Variants in SDCCAG8 observed in about 807,000 individuals in gnomAD.
SDCCAG8 encodes serologically defined colon cancer antigen 8.
SDCCAG8 carries 74 observed loss-of-function variants against 101.8 expected under a neutral mutation model. That is an observed-to-expected ratio of 0.73 (90% confidence interval 0.60 to 0.88). The LOEUF (loss-of-function observed/expected upper bound fraction) is 0.88. SDCCAG8 is among the 40% of genes least tolerant of loss of function. The pLI is 0.00. For synonymous variants in SDCCAG8, 281 were observed against 292.9 expected (o/e 0.96, Z 0.41); for missense variants, 787 against 822.6 (o/e 0.96, Z 0.53).
At chr1:243,374,553 C>G (rs968253693) in intron 12 of SDCCAG8, among the ~76,000 whole-genome samples, 3 of 152,026 alleles carry the variant, frequency 2.0e-5, no homozygotes, top group Non-Finnish European at 2.9e-5. Flanking sequence ...TCTTAAAAAT[C>G]CTGAATGAAA....
At chr1:243,279,392 C>A (rs2068838874) in intron 4 of SDCCAG8, among the ~76,000 whole-genome samples, 1 of 152,202 alleles carries the variant, frequency 6.6e-6, no homozygotes. Flanking sequence ...TTGTTTACCT[C>A]TGTGATTGCA....
At chr1:243,330,747 C>G in intron 10 of SDCCAG8, 55 bp downstream of exon 10, 2 of 1,568,902 alleles carry the variant, frequency 1.3e-6, no homozygotes, top group South Asian at 1.1e-5. Context: ...TTTTATGATG[C>G]CATTGATGAT....
At chr1:243,309,885 G>A (rs1348432744) in intron 8 of SDCCAG8, among the ~76,000 whole-genome samples, 1 of 151,872 alleles carries the variant, frequency 6.6e-6, no homozygotes, top group East Asian at 1.9e-4. Flanking sequence ...TGTTTTTTGA[G>A]ACGGAGTCTC....
intron 13 of SDCCAG8, among the ~76,000 whole-genome samples, chr1:243,393,599 T>C (rs1374078196): frequency 6.6e-6 from 1 of 152,160 alleles, no homozygotes. Flanking sequence ...TCTCTGAATT[T>C]GTCCTGTGAG....
At chr1:243,454,665 C>T (rs1296134191) in intron 16 of SDCCAG8, among the ~76,000 whole-genome samples, 1 of 152,124 alleles carries the variant, frequency 6.6e-6, no homozygotes, top group Non-Finnish European at 1.5e-5. Flanking sequence ...TCCAAAGGAG[C>T]CAAAGGAGAG....
intron 7 of SDCCAG8, chr1:243,305,620 G>A (rs966057246): frequency 7.9e-5 from 12 of 152,108 alleles, no homozygotes; most frequent in Non-Finnish European, 1.3e-4. Context: ...GAAAAAGACA[G>A]CAGGAATTAA....
intron 16 of SDCCAG8, among the ~76,000 whole-genome samples, chr1:243,465,144 T>C (rs1659873296): frequency 6.6e-6 from 1 of 152,214 alleles, no homozygotes; most frequent in East Asian, 1.9e-4. Flanking sequence ...GCTGGGTACA[T>C]GCTAGTCCAT....
At chr1:243,283,262 G>A (rs1054478450) in intron 4 of SDCCAG8, among the ~76,000 whole-genome samples, 2 of 151,818 alleles carry the variant, frequency 1.3e-5, no homozygotes, top group Non-Finnish European at 2.9e-5. Flanking sequence ...TTTTTGGGGG[G>A]TATTTATCCT....
At chr1:243,432,362 AC>A (rs1476498714) in intron 16 of SDCCAG8, among the ~76,000 whole-genome samples, 2 of 152,186 alleles carry the variant, frequency 1.3e-5, no homozygotes, top group Non-Finnish European at 2.9e-5. Flanking sequence ...GGAACAGAAG[AC>A]ACAGGGGCCT....
At chr1:243,488,897 C>A in intron 16 of SDCCAG8, 117 bp from the exon 17 acceptor site, 1 of 1,475,596 alleles carries the variant, frequency 6.8e-7, no homozygotes, top group South Asian at 1.2e-5. Context: ...TCAGGGTCAC[C>A]CTAGGCGTCC....
intron 6 of SDCCAG8, among the ~76,000 whole-genome samples, chr1:243,301,857 A>G (rs1451932500): frequency 6.6e-6 from 1 of 152,210 alleles, no homozygotes; most frequent in African/African-American, 2.4e-5. Context: ...TGATAATTTT[A>G]GGAAGAGATT....
chr1:243,497,346 G>GGT (rs1668235163), intron 17 of SDCCAG8, among the ~76,000 whole-genome samples: 1 of 139,116 alleles, frequency 7.2e-6, no homozygotes, highest in Non-Finnish European at 1.6e-5. Flanking sequence ...GTGGGGGGGG[G>GGT]GGCGTTGAGC....
intron 17 of SDCCAG8, among the ~76,000 whole-genome samples, chr1:243,496,068 G>C (rs909429639): frequency 6.6e-6 from 1 of 152,238 alleles, no homozygotes; most frequent in Non-Finnish European, 1.5e-5. Context: ...GCCCAGCACA[G>C]ATGATTATGA....
At chr1:243,293,974 C>T (rs147761475) in intron 6 of SDCCAG8, among the ~76,000 whole-genome samples, 67 of 152,212 alleles carry the variant, frequency 4.4e-4, no homozygotes, top group African/African-American at 1.5e-3. Flanking sequence ...TACTTTTTAG[C>T]TCCAGAATTT....
intron 12 of SDCCAG8, among the ~76,000 whole-genome samples, chr1:243,347,436 A>G (rs2075784062): frequency 6.6e-6 from 1 of 152,176 alleles, no homozygotes; most frequent in Non-Finnish European, 1.5e-5. Context: ...ATGTTTTTGT[A>G]TGTCCAATTT....
intron 12 of SDCCAG8, among the ~76,000 whole-genome samples, chr1:243,355,156 T>A (rs1302097592): frequency 2.6e-5 from 4 of 152,332 alleles, no homozygotes; most frequent in African/African-American, 9.6e-5. Flanking sequence ...CTTAAGTGGA[T>A]TTGTTACACT....
chr1:243,365,791 C>A (rs1053467260), intron 12 of SDCCAG8, among the ~76,000 whole-genome samples: 1 of 152,054 alleles, frequency 6.6e-6, no homozygotes, highest in Non-Finnish European at 1.5e-5. Context: ...ACTTTTATAT[C>A]TACACTGAAA....
intron 16 of SDCCAG8, among the ~76,000 whole-genome samples, chr1:243,462,344 G>GATA (rs1452104552): frequency 6.6e-6 from 1 of 152,176 alleles, no homozygotes; most frequent in African/African-American, 2.4e-5. Flanking sequence ...ATAAACAAAT[G>GATA]ATAGCAAAAG....
chr1:243,478,458 A>T (rs1487169904), intron 16 of SDCCAG8, among the ~76,000 whole-genome samples: 4 of 152,302 alleles, frequency 2.6e-5, no homozygotes, highest in Middle Eastern at 3.4e-3. Flanking sequence ...ACTTGGGGGC[A>T]TCCCCAAGGA....
Sources: allele counts gnomAD v4.1 joint callset (sites outside exome capture counted in the v4.1 genomes callset), GRCh38; gene constraint gnomAD v4.1.1; transcripts MANE v1.5; gene names NCBI Gene and HGNC (gene_info 2026-07-23, HGNC 2026-07-21).